Variants in LRFN5 observed in about 807,000 individuals in gnomAD.
The protein encoded by LRFN5 is leucine rich repeat and fibronectin type III domain containing 5.
A neutral mutation model predicts 45.6 loss-of-function variants in LRFN5; 24 were observed. The observed-to-expected ratio is 0.53, with a 90% CI of 0.38 to 0.74. The LOEUF (loss-of-function observed/expected upper bound fraction) is 0.74. Among genes scored for constraint, LRFN5 ranks in the 30% least tolerant of loss-of-function variants. LRFN5 has a pLI of 0.00. For missense variants in LRFN5, 776 were observed against 861.5 expected (o/e 0.90, Z 1.24); for synonymous variants, 340 against 313.8 (o/e 1.08, Z -0.88).
intron 1 of LRFN5, among the ~76,000 whole-genome samples, chr14:41,625,398 C>A (rs527794186): frequency 6.6e-6 from 1 of 152,086 alleles, no homozygotes; most frequent in South Asian, 2.1e-4. Context: ...TTTCTCCTGT[C>A]GCCCTGTGAA....
At chr14:41,661,890 T>C (rs891041671) in intron 1 of LRFN5, among the ~76,000 whole-genome samples, 3 of 152,080 alleles carry the variant, frequency 2.0e-5, no homozygotes, top group Admixed American at 1.3e-4. Flanking sequence ...GGGGTTATTA[T>C]AGAAGTTAAT....
chr14:41,897,922 C>G lies in LRFN5; in HGVS notation c.2099-995C>G, dbSNP rs112036409. ...GCTATGTACATATTATGTTTCTGCTCTAGAATATGTCTAATAAATAAATAT... is the reference window on the plus strand; with the variant it reads ...GCTATGTACATATTATGTTTCTGCTGTAGAATATGTCTAATAAATAAATAT... On this transcript the variant is annotated intron_variant, in intron 4 of 5. Transcript: ENST00000298119. 2.2e-3 allele frequency among the ~76,000 whole-genome samples: 339 copies of G among 152,156 alleles called. 2 individuals carry two copies. Among genetic ancestry groups the G allele is most frequent in the African/African-American group, 7.8e-3 (326 of 41,550 alleles).
At chr14:41,683,627 A>G (rs2070426932) in intron 1 of LRFN5, among the ~76,000 whole-genome samples, 1 of 152,188 alleles carries the variant, frequency 6.6e-6, no homozygotes, top group Admixed American at 6.5e-5. Context: ...TCATATGAAA[A>G]TCAGTAGCAT....
chr14:41,709,853 T>C (rs896268177), intron 1 of LRFN5, among the ~76,000 whole-genome samples: 10 of 152,102 alleles, frequency 6.6e-5, no homozygotes, highest in Middle Eastern at 3.4e-3. Context: ...TTTACTCCAA[T>C]ATAAAAATTC....
Position 41,847,624 on chromosome 14 carries a change from A to T in LRFN5, c.-20-38982A>T, listed in dbSNP as rs72668892. ...CGTTTGATATGTGTTTTTTTTCAGAATTATTACCCTTCTTTCCGATGAGAA... is the reference window on the plus strand; with the variant it reads ...CGTTTGATATGTGTTTTTTTTCAGATTTATTACCCTTCTTTCCGATGAGAA... On this transcript the variant is annotated intron_variant, in intron 2 of 5. Transcript: ENST00000298119. Among the ~76,000 whole-genome samples, 961 of 152,120 alleles carry T rather than the reference A, an allele frequency of 6.3e-3. 3 individuals are homozygous for T. The highest frequency in any genetic ancestry group is 0.021 in the South Asian group (103 of 4,818).
intron 1 of LRFN5, among the ~76,000 whole-genome samples, chr14:41,739,748 C>T (rs1345610170): frequency 6.7e-6 from 1 of 148,896 alleles, no homozygotes; most frequent in South Asian, 2.1e-4. Flanking sequence ...ACTAGAAAAA[C>T]AGTAGAAAAT....
At chr14:41,780,959 T>G (rs188528418) in intron 2 of LRFN5, among the ~76,000 whole-genome samples, 55 of 152,304 alleles carry the variant, frequency 3.6e-4, no homozygotes, top group East Asian at 3.9e-4. Flanking sequence ...TGTTGCCAAT[T>G]TCTTTTCCCA....
At chr14:41,866,281 G>A (rs996689092) in intron 2 of LRFN5, among the ~76,000 whole-genome samples, 1 of 152,074 alleles carries the variant, frequency 6.6e-6, no homozygotes, top group Non-Finnish European at 1.5e-5. Flanking sequence ...ATTATAGATT[G>A]TGTTAACAGG....
At chr14:41,855,076 C>A (rs778306167) in intron 2 of LRFN5, among the ~76,000 whole-genome samples, 1 of 152,160 alleles carries the variant, frequency 6.6e-6, no homozygotes, top group Admixed American at 6.6e-5. Flanking sequence ...GAGGAAAACA[C>A]ATTTCAGTGG....
intron 1 of LRFN5, among the ~76,000 whole-genome samples, chr14:41,626,497 T>C (rs1033444136): frequency 6.6e-6 from 1 of 152,188 alleles, no homozygotes; most frequent in Middle Eastern, 3.4e-3. Context: ...TGTAATTTTA[T>C]GGAGAGAGTA....
chr14:41,763,009 T>G (rs1391724780), intron 1 of LRFN5, among the ~76,000 whole-genome samples: 2 of 152,216 alleles, frequency 1.3e-5, no homozygotes, highest in African/African-American at 2.4e-5. Flanking sequence ...TTTCAAATGT[T>G]ATGAATATTT....
chr14:41,630,974 G>T (rs1200221404), intron 1 of LRFN5, among the ~76,000 whole-genome samples: 3 of 152,094 alleles, frequency 2.0e-5, no homozygotes, highest in African/African-American at 4.8e-5. Flanking sequence ...CTTATGTAAA[G>T]CTCTGGACTC....
At chr14:41,772,157 G>T (rs550422083) in intron 2 of LRFN5, among the ~76,000 whole-genome samples, 25 of 152,170 alleles carry the variant, frequency 1.6e-4, no homozygotes, top group Non-Finnish European at 2.9e-4. Flanking sequence ...ACCAGATCTT[G>T]CATGAACTGA....
intron 2 of LRFN5, among the ~76,000 whole-genome samples, chr14:41,818,894 AC>A (rs1888015769): frequency 6.6e-6 from 1 of 151,490 alleles, no homozygotes; most frequent in Non-Finnish European, 1.5e-5. Flanking sequence ...CCCCTCCTAA[AC>A]CTCCTATATT....
intron 3 of LRFN5, among the ~76,000 whole-genome samples, chr14:41,890,143 C>G (rs1057228577): frequency 6.6e-6 from 1 of 151,986 alleles, no homozygotes; most frequent in African/African-American, 2.4e-5. Flanking sequence ...GGATTACAGG[C>G]ATGAGCCACC....
chr14:41,707,793 C>G (rs1476741677), intron 1 of LRFN5, among the ~76,000 whole-genome samples: 1 of 152,032 alleles, frequency 6.6e-6, no homozygotes, highest in Non-Finnish European at 1.5e-5. Context: ...TCATCTATGG[C>G]TGCTTTTGGA....
chr14:41,669,450 TATTTC>T (rs1881060468), intron 1 of LRFN5, among the ~76,000 whole-genome samples: 1 of 152,028 alleles, frequency 6.6e-6, no homozygotes, highest in African/African-American at 2.4e-5. Context: ...GTAAAATAGT[TATTTC>T]ATATAGAAAA....
intron 1 of LRFN5, among the ~76,000 whole-genome samples, chr14:41,752,724 A>T (rs904840967): frequency 2.0e-5 from 3 of 151,830 alleles, no homozygotes; most frequent in African/African-American, 7.3e-5. Flanking sequence ...TTGCCTGTTC[A>T]CTCTGATGGT....
intron 2 of LRFN5, among the ~76,000 whole-genome samples, chr14:41,872,451 G>A (rs11852187): frequency 0.075 from 11,345 of 152,132 alleles, 503 homozygotes; most frequent in Middle Eastern, 0.17. Context: ...AAATTAGTTT[G>A]GCTATAAATA....
Sources: allele counts gnomAD v4.1 joint callset (sites outside exome capture counted in the v4.1 genomes callset), GRCh38; gene constraint gnomAD v4.1.1; transcripts MANE v1.5; gene names NCBI Gene and HGNC (gene_info 2026-07-23, HGNC 2026-07-21).